Variants in ASIC5 observed in about 807,000 individuals in gnomAD.
ASIC5 encodes acid sensing ion channel subunit family member 5, also known as bile acid-sensitive ion channel.
In ASIC5, 52 loss-of-function variants were observed where a neutral mutation model predicts 51.2. That is an observed-to-expected ratio of 1.02 (90% CI 0.81 to 1.28). ASIC5 has a LOEUF of 1.28. ASIC5 is among the 50% of genes most tolerant of loss of function. The probability of loss-of-function intolerance (pLI) is 0.00; values close to 1 mark genes in which losing one functional copy is unlikely to be tolerated. For synonymous variants in ASIC5, 231 were observed against 200.7 expected (o/e 1.15, Z -1.28); for missense variants, 635 against 595.0 (o/e 1.07, Z -0.70).
chr4:155,853,778 GA>G (rs1741450662), intron 3 of ASIC5, among the ~76,000 whole-genome samples: 1 of 151,700 alleles, frequency 6.6e-6, no homozygotes, highest in South Asian at 2.1e-4. Flanking sequence ...GTTGATGAAT[GA>G]AAAAAATTAA....
chr4:155,835,410 T>C (rs371556530), intron 8 of ASIC5, among the ~76,000 whole-genome samples: 9,819 of 41,642 alleles, frequency 0.24, 1,094 homozygotes, highest in African/African-American at 0.43. Flanking sequence ...ATCTGAGTTT[T>C]GGAAAAAAAA....
chr4:155,837,498 C>T (rs1030127584), intron 7 of ASIC5, among the ~76,000 whole-genome samples: 3 of 152,258 alleles, frequency 2.0e-5, no homozygotes, highest in African/African-American at 7.2e-5. Context: ...TTTGGACCAC[C>T]TCCCAGTGCT....
At chr4:155,864,293 C>G (rs1235001577) in intron 1 of ASIC5, among the ~76,000 whole-genome samples, 2 of 152,036 alleles carry the variant, frequency 1.3e-5, no homozygotes, top group East Asian at 3.9e-4. Flanking sequence ...GTTGTTTAGT[C>G]AGAATGTTCA....
At chr4:155,859,648 G>T (rs78602389) in intron 2 of ASIC5, among the ~76,000 whole-genome samples, 4,412 of 151,784 alleles carry the variant, frequency 0.029, 96 homozygotes, top group South Asian at 0.058. Flanking sequence ...TTTTTCAAAA[G>T]AATTAGAGAA....
chr4:155,855,281 T>C (rs1741504048), intron 2 of ASIC5: 2 of 152,108 alleles, frequency 1.3e-5, no homozygotes, highest in Non-Finnish European at 2.9e-5. Flanking sequence ...TTACATTAAT[T>C]GTTTTTCTTA....
chr4:155,842,577 A>G (rs1456098271), intron 5 of ASIC5, among the ~76,000 whole-genome samples: 1 of 152,180 alleles, frequency 6.6e-6, no homozygotes, highest in Non-Finnish European at 1.5e-5. Flanking sequence ...GTGAATTAAT[A>G]AAGTCAGACA....
intron 8 of ASIC5, among the ~76,000 whole-genome samples, chr4:155,835,507 T>G (rs1740959057): frequency 6.6e-6 from 1 of 152,008 alleles, no homozygotes; most frequent in Admixed American, 6.6e-5. Context: ...GTCTCCAAAA[T>G]CATGCCTACT....
intron 6 of ASIC5, among the ~76,000 whole-genome samples, chr4:155,839,328 T>A (rs372841460): frequency 1.5e-5 from 2 of 136,006 alleles, no homozygotes; most frequent in East Asian, 2.2e-4. Context: ...ACATCTTCCA[T>A]CCTGCTCCCT....
intron 7 of ASIC5, 142 bp downstream of exon 7, chr4:155,838,671 T>G (rs1376113655): frequency 2.0e-6 from 1 of 500,862 alleles, no homozygotes; most frequent in Non-Finnish European, 3.5e-6. Flanking sequence ...AGCTACTATT[T>G]AAGAACACTT....
intron 4 of ASIC5, among the ~76,000 whole-genome samples, chr4:155,850,265 CA>C (rs923629942): frequency 1.1e-4 from 17 of 151,614 alleles, no homozygotes; most frequent in African/African-American, 3.9e-4. Flanking sequence ...ATCAGAAACT[CA>C]AAAAAAATGC....
intron 1 of ASIC5, chr4:155,864,600 T>G (rs1437544720): frequency 6.6e-6 from 1 of 152,154 alleles, no homozygotes; most frequent in African/African-American, 2.4e-5. Context: ...AGGCTTCCGG[T>G]CCATTCCTCG....
At chr4:155,839,348 T>TACAC (rs60209135) in intron 6 of ASIC5, among the ~76,000 whole-genome samples, 1,841 of 147,428 alleles carry the variant, frequency 0.012, 31 homozygotes, top group African/African-American at 0.038. Flanking sequence ...TCTATCCATT[T>TACAC]ACACACACAC....
chr4:155,845,780 AC>A, intron 4 of ASIC5, among the ~76,000 whole-genome samples: 1 of 152,182 alleles, frequency 6.6e-6, no homozygotes, highest in South Asian at 2.1e-4. Flanking sequence ...GCACCAACAG[AC>A]TTTTTCTCTC....
chr4:155,863,303 C>T (rs1741761614), intron 2 of ASIC5, 145 bp downstream of exon 2: 1 of 628,004 alleles, frequency 1.6e-6, no homozygotes, highest in Non-Finnish European at 2.7e-6. Context: ...TAAATTTGTG[C>T]TTTTGAGTGC....
intron 2 of ASIC5, among the ~76,000 whole-genome samples, chr4:155,859,873 C>G (rs1455587104): frequency 1.3e-5 from 2 of 151,970 alleles, no homozygotes; most frequent in Non-Finnish European, 2.9e-5. Context: ...CATAGGAATA[C>G]AAATTGTATT....
chr4:155,831,448 G>GA (rs547566680), intron 9 of ASIC5, among the ~76,000 whole-genome samples: 8 of 151,910 alleles, frequency 5.3e-5, no homozygotes, highest in Admixed American at 1.3e-4. Context: ...AAATATCAAA[G>GA]AAAAAAAACT....
At chr4:155,860,737 T>C (rs1741681566) in intron 2 of ASIC5, among the ~76,000 whole-genome samples, 1 of 151,890 alleles carries the variant, frequency 6.6e-6, no homozygotes, top group Non-Finnish European at 1.5e-5. Context: ...TATCTTTTTT[T>C]CAATGTCATC....
Position 155,842,253 on chromosome 4 carries a change from G to A in ASIC5, c.963C>T (p.Ala321=), listed in dbSNP as rs1442392804. 2 of 1,613,462 alleles carry A rather than the reference G, an allele frequency of 1.2e-6. No homozygotes were observed. The highest frequency in any genetic ancestry group is 1.7e-6 in the Non-Finnish European group (2 of 1,179,756). Reference sequence around the variant, plus strand: ...ATCCACATTGCTTTTTTATGTGCTGGGCTTTGCATTCCTTCAAGCAACCAG... The same window carrying A: ...ATCCACATTGCTTTTTTATGTGCTGAGCTTTGCATTCCTTCAAGCAACCAG... The part of the protein sequence containing the change: ...STSGCLKECK[A]QHIKKQCGCV... Residue 321 remains alanine (A), a synonymous_variant, in exon 6 of 10, where the codon GCC becomes GCT. Transcript: ENST00000537611.
At chr4:155,851,582 A>T (rs1252891604) in intron 4 of ASIC5, among the ~76,000 whole-genome samples, 3 of 151,940 alleles carry the variant, frequency 2.0e-5, no homozygotes, top group Admixed American at 6.6e-5. Context: ...GAATTAACTA[A>T]TCTTGGGTGG....
Sources: allele counts gnomAD v4.1 joint callset (sites outside exome capture counted in the v4.1 genomes callset), GRCh38; gene constraint gnomAD v4.1.1; transcripts MANE v1.5; gene names NCBI Gene and HGNC (gene_info 2026-07-23, HGNC 2026-07-21).